The following WWOX variants were observed in gnomAD, a reference collection of about 807,000 sequenced individuals.
WWOX encodes WW domain containing oxidoreductase.
WWOX carries 69 observed loss-of-function variants against 46.2 expected under a neutral mutation model. The ratio of observed to expected loss-of-function variants is 1.49; its 90% CI spans 1.23 to 1.82. WWOX has a LOEUF of 1.82. Ranked by LOEUF, WWOX falls within the 40% of genes most tolerant of loss-of-function variation. The probability of loss-of-function intolerance (pLI) is 0.00; values close to 1 mark genes in which losing one functional copy is unlikely to be tolerated. For synonymous variants in WWOX, 359 were observed against 202.6 expected (o/e 1.77, Z -6.56); for missense variants, 919 against 542.6 (o/e 1.69, Z -6.89).
chr16:78,512,673 T>A (rs1425824977), intron 8 of WWOX, among the ~76,000 whole-genome samples: 1 of 152,212 alleles, frequency 6.6e-6, no homozygotes, highest in Non-Finnish European at 1.5e-5. Flanking sequence ...TGAGACTCAT[T>A]TCGCAGGTTT....
chr16:78,439,625 C>A (rs188619121), intron 8 of WWOX, among the ~76,000 whole-genome samples: 1 of 152,296 alleles, frequency 6.6e-6, no homozygotes, highest in African/African-American at 2.4e-5. Flanking sequence ...CTTTTAGTTA[C>A]ATAATTTTGA....
intron 5 of WWOX, among the ~76,000 whole-genome samples, chr16:78,362,277 G>A (rs911859313): frequency 7.2e-5 from 11 of 151,962 alleles, no homozygotes; most frequent in Admixed American, 7.2e-4. Flanking sequence ...CAAGAGACGA[G>A]ACACAGCAAG....
chr16:78,666,961 G>A (rs2047345674), intron 8 of WWOX, among the ~76,000 whole-genome samples: 1 of 152,134 alleles, frequency 6.6e-6, no homozygotes, highest in South Asian at 2.1e-4. Context: ...ACAAAAGGGG[G>A]TTAAAAGGGT....
At chr16:78,630,745 C>T (rs2046409211) in intron 8 of WWOX, among the ~76,000 whole-genome samples, 1 of 152,140 alleles carries the variant, frequency 6.6e-6, no homozygotes, top group South Asian at 2.1e-4. Flanking sequence ...GTCTTCCTTG[C>T]AAACCACCAA....
intron 8 of WWOX, among the ~76,000 whole-genome samples, chr16:78,922,663 G>C (rs2151271670): frequency 6.6e-6 from 1 of 152,296 alleles, no homozygotes; most frequent in South Asian, 2.1e-4. Context: ...ACAGGCGTGA[G>C]CCACGACCAC....
chr16:78,542,955 G>A (rs188997916), intron 8 of WWOX, among the ~76,000 whole-genome samples: 1 of 152,208 alleles, frequency 6.6e-6, no homozygotes, highest in Non-Finnish European at 1.5e-5. Flanking sequence ...GAGGAGGAGA[G>A]TAGAAGCAGA....
At chr16:78,142,267 C>A (rs1178709221) in intron 4 of WWOX, among the ~76,000 whole-genome samples, 2 of 152,086 alleles carry the variant, frequency 1.3e-5, no homozygotes, top group African/African-American at 2.4e-5. Flanking sequence ...AAAATAGTTA[C>A]TGCCTCTGTG....
chr16:78,899,526 T>G (rs1395001166), intron 8 of WWOX: 1 of 152,216 alleles, frequency 6.6e-6, no homozygotes, highest in African/African-American at 2.4e-5. Context: ...ATTTTAATAT[T>G]ACAGCATCTG....
At chr16:79,059,405 G>C (rs1367897276) in intron 8 of WWOX, among the ~76,000 whole-genome samples, 1 of 152,306 alleles carries the variant, frequency 6.6e-6, no homozygotes, top group Non-Finnish European at 1.5e-5. Flanking sequence ...TCTTGACATT[G>C]AGATGTAGAG....
intron 8 of WWOX, among the ~76,000 whole-genome samples, chr16:78,596,769 C>T (rs534433306): frequency 6.6e-6 from 1 of 151,938 alleles, no homozygotes; most frequent in Non-Finnish European, 1.5e-5. Flanking sequence ...GGTGAGTACA[C>T]AGCCATGAAA....
intron 8 of WWOX, among the ~76,000 whole-genome samples, chr16:78,639,315 A>G (rs775970247): frequency 5.3e-5 from 8 of 152,162 alleles, no homozygotes; most frequent in Non-Finnish European, 1.0e-4. Flanking sequence ...CAGTCCTTAC[A>G]AGGAGACCGG....
intron 8 of WWOX, among the ~76,000 whole-genome samples, chr16:78,530,782 A>G (rs1482123002): frequency 6.6e-6 from 1 of 152,172 alleles, no homozygotes; most frequent in Non-Finnish European, 1.5e-5. Context: ...TATGAAATTT[A>G]ATATGGTGAG....
chr16:78,953,011 T>A (rs2046093287), intron 8 of WWOX, among the ~76,000 whole-genome samples: 1 of 149,586 alleles, frequency 6.7e-6, no homozygotes, highest in Non-Finnish European at 1.5e-5. Context: ...TGATTTGTGG[T>A]TATTGCTTCC....
chr16:78,901,578 C>A (rs1217356283), intron 8 of WWOX, among the ~76,000 whole-genome samples: 6 of 152,160 alleles, frequency 3.9e-5, no homozygotes, highest in Admixed American at 3.9e-4. Flanking sequence ...GCCTGTGCTT[C>A]CCAGACTCAA....
intron 5 of WWOX, among the ~76,000 whole-genome samples, chr16:78,294,743 G>A (rs2079916312): frequency 6.6e-6 from 1 of 152,098 alleles, no homozygotes; most frequent in South Asian, 2.1e-4. Flanking sequence ...AGGGAGGGAG[G>A]TAAGGGTGAG....
chr16:78,722,386 G>C (rs1171647131), intron 8 of WWOX, among the ~76,000 whole-genome samples: 3 of 152,162 alleles, frequency 2.0e-5, no homozygotes, highest in Non-Finnish European at 4.4e-5. Context: ...GTGTGTTTAA[G>C]GATTCAGTGA....
intron 5 of WWOX, among the ~76,000 whole-genome samples, chr16:78,373,278 C>T (rs760061794): frequency 2.5e-4 from 38 of 152,186 alleles, no homozygotes; most frequent in Admixed American, 1.3e-4. Flanking sequence ...CACAGATCCA[C>T]ATGGGTGTCT....
chr16:78,798,357 G>C (rs1276791785), intron 8 of WWOX, among the ~76,000 whole-genome samples: 1 of 152,136 alleles, frequency 6.6e-6, no homozygotes, highest in Non-Finnish European at 1.5e-5. Flanking sequence ...CTAGAGGTCA[G>C]ATGTCAAAAA....
chr16:78,764,456 T>A (rs565311147), intron 8 of WWOX, among the ~76,000 whole-genome samples: 2 of 149,930 alleles, frequency 1.3e-5, no homozygotes, highest in South Asian at 4.4e-4. Flanking sequence ...CTTCTGGGAG[T>A]GGGTTTGTAA....
Sources: gnomAD v4.1 joint callset for allele counts (sites outside exome capture counted in the v4.1 genomes callset) on GRCh38, gnomAD v4.1.1 for gene constraint, MANE v1.5 for transcripts, NCBI Gene and HGNC (gene_info 2026-07-23, HGNC 2026-07-21) for gene names.